Variants in CSMD2 observed in about 807,000 individuals in gnomAD.
CSMD2 encodes the protein CUB and sushi domain-containing protein 2.
Under a neutral mutation model 398.5 loss-of-function variants are expected in CSMD2, and 130 were observed. The observed-to-expected ratio is 0.33, with a 90% CI of 0.28 to 0.38. The LOEUF (loss-of-function observed/expected upper bound fraction) is 0.38, where lower values mean the gene tolerates loss of function less well. Ranked by LOEUF, CSMD2 falls within the 10% of genes least tolerant of loss-of-function variation. The pLI, the probability that CSMD2 is intolerant of heterozygous loss-of-function variation, is 1.00. For synonymous variants in CSMD2, 1,828 were observed against 1,908.5 expected, an observed-to-expected ratio of 0.96 and a Z score of 1.10; for missense variants, 3,829 against 4,764.9, an observed-to-expected ratio of 0.80 and a Z score of 5.78.
At chr1:34,113,147 C>A (rs925606221) in intron 1 of CSMD2, 1 of 152,224 alleles carries the variant, frequency 6.6e-6, no homozygotes, top group Non-Finnish European at 1.5e-5. Flanking sequence ...GACTTCTTAA[C>A]TTGGGTTTGG....
intron 25 of CSMD2, among the ~76,000 whole-genome samples, chr1:33,676,995 A>G (rs1176426328): frequency 1.3e-5 from 2 of 152,204 alleles, no homozygotes; most frequent in Non-Finnish European, 2.9e-5. Flanking sequence ...TAGACCTAAA[A>G]CCATAAAAAC....
chr1:34,119,642 C>T (rs1032702899), intron 1 of CSMD2, among the ~76,000 whole-genome samples: 18 of 152,132 alleles, frequency 1.2e-4, no homozygotes, highest in African/African-American at 3.4e-4. Context: ...AGAAGATAGA[C>T]AAATGGCTGA....
chr1:33,573,211 A>G (rs907113835), intron 49 of CSMD2, among the ~76,000 whole-genome samples: 3 of 152,194 alleles, frequency 2.0e-5, no homozygotes, highest in Non-Finnish European at 2.9e-5. Flanking sequence ...GATAGGAGAG[A>G]CTTTGTGGAC....
At chr1:33,950,817 A>C (rs1644986665) in intron 3 of CSMD2, among the ~76,000 whole-genome samples, 1 of 152,192 alleles carries the variant, frequency 6.6e-6, no homozygotes, top group Admixed American at 6.5e-5. Flanking sequence ...GCCTTATGCC[A>C]TGTCCCTGGG....
chr1:34,157,999 G>C (rs1640960986), intron 1 of CSMD2, among the ~76,000 whole-genome samples: 1 of 152,162 alleles, frequency 6.6e-6, no homozygotes. Flanking sequence ...CTAAGTGTGT[G>C]TTTGGGTGGG....
chr1:33,764,651 C>T (rs1650255323), intron 13 of CSMD2, among the ~76,000 whole-genome samples: 1 of 152,218 alleles, frequency 6.6e-6, no homozygotes, highest in Non-Finnish European at 1.5e-5. Context: ...GAAGCTCACA[C>T]CGATCACGGT....
At chr1:33,872,122 T>C (rs1340634979) in intron 5 of CSMD2, among the ~76,000 whole-genome samples, 1 of 152,188 alleles carries the variant, frequency 6.6e-6, no homozygotes, top group Non-Finnish European at 1.5e-5. Flanking sequence ...CCTTGTTAGG[T>C]AGTGGTAGAA....
intron 26 of CSMD2, among the ~76,000 whole-genome samples, chr1:33,660,298 G>T (rs2148993040): frequency 6.6e-6 from 1 of 152,292 alleles, no homozygotes; most frequent in African/African-American, 2.4e-5. Flanking sequence ...CACTCAATAG[G>T]AATGGCTGTG....
At chr1:33,617,781 C>A in intron 37 of CSMD2, among the ~76,000 whole-genome samples, 164 bp from the exon 38 acceptor site, 1 of 152,142 alleles carries the variant, frequency 6.6e-6, no homozygotes, top group East Asian at 1.9e-4. Context: ...CACCTTGCAG[C>A]ACACAGAGAA....
chr1:33,826,279 C>A (rs974086012), intron 6 of CSMD2, among the ~76,000 whole-genome samples: 6 of 152,016 alleles, frequency 3.9e-5, no homozygotes, highest in South Asian at 2.1e-4. Flanking sequence ...TTTTTTAGCT[C>A]CCTCCATTAC....
intron 2 of CSMD2, among the ~76,000 whole-genome samples, chr1:34,054,460 G>A (rs1269498334): frequency 4.6e-5 from 7 of 152,172 alleles, no homozygotes; most frequent in African/African-American, 1.7e-4. Context: ...GGTGGCTCAT[G>A]CCTGTAATCC....
intron 39 of CSMD2, 43 bp from the exon 40 acceptor site, chr1:33,614,663 G>T: frequency 8.8e-7 from 1 of 1,140,868 alleles, no homozygotes; most frequent in Non-Finnish European, 1.3e-6. Flanking sequence ...CAACATCAAG[G>T]GGTGTACAGG....
chr1:33,537,703 C>G lies in CSMD2; in HGVS notation c.9632-94G>C. The G allele has an allele frequency of 7.5e-7, 1 of 1,329,542 alleles. No individual in the cohort carries two copies. Among genetic ancestry groups the G allele is most frequent in the Non-Finnish European group, 1.0e-6 (1 of 988,120 alleles). 82.4% of individuals were successfully genotyped at this position (1,329,542 alleles called of 1,614,324 possible). On this transcript the variant is annotated intron_variant, in intron 60 of 70. Transcript: ENST00000373381. This position sits in a 1 kb window ranked among gnomAD's most constrained non-coding sequence, Gnocchi z 4.6. ...CCCATCTTTGTTCTTTGCACTGCTC[C>G]CTTCCTGGTTGAGCTTGAACTCTGG...
chr1:33,704,055 A>G (rs1645695946), intron 22 of CSMD2, among the ~76,000 whole-genome samples: 1 of 152,194 alleles, frequency 6.6e-6, no homozygotes, highest in African/African-American at 2.4e-5. Flanking sequence ...ATCAATATCA[A>G]AATAAAATTT....
chr1:33,756,074 C>G (rs1260196903), intron 13 of CSMD2, among the ~76,000 whole-genome samples: 1 of 152,194 alleles, frequency 6.6e-6, no homozygotes, highest in Non-Finnish European at 1.5e-5. Context: ...TTTTCCATCT[C>G]TAGCTCTGAC....
At position 33,559,244 on chromosome 1, in the gene CSMD2, G is replaced by T; in HGVS notation, c.8554+56C>A. 6.8e-7 allele frequency: 1 copy of T among 1,462,512 alleles called. No individual in the cohort carries two copies. Among genetic ancestry groups the T allele is most frequent in the Non-Finnish European group, 9.2e-7 (1 of 1,087,944 alleles). The allele number at this position is 1,462,512 out of a possible 1,614,324, so 90.6% of individuals were successfully genotyped here. A position where few individuals can be genotyped will look rare whatever the true frequency, so the allele number is the denominator to read the frequency against. ...CACTGGCTTCTTTTTCTGAGCTACAGAACCACATATAGCAGAGATGGTGGG... is the reference window on the plus strand; with the variant it reads ...CACTGGCTTCTTTTTCTGAGCTACATAACCACATATAGCAGAGATGGTGGG... On this transcript the variant is annotated intron_variant, in intron 54 of 70. Transcript: ENST00000373381. This position sits in a 1 kb window ranked among gnomAD's most constrained non-coding sequence, Gnocchi z 4.0.
intron 67 of CSMD2, among the ~76,000 whole-genome samples, chr1:33,522,751 C>T (rs1252615242): frequency 1.3e-5 from 2 of 152,190 alleles, no homozygotes; most frequent in African/African-American, 4.8e-5. Context: ...CTCAACTCCA[C>T]TATGTGTGAA....
chr1:33,560,516 C>A (rs1344006060), intron 53 of CSMD2, among the ~76,000 whole-genome samples: 1 of 152,188 alleles, frequency 6.6e-6, no homozygotes, highest in Admixed American at 6.5e-5. Flanking sequence ...TGCCTCAGGG[C>A]CTTTGCACTT....
intron 29 of CSMD2, 64 bp downstream of exon 29, chr1:33,646,584 C>T: frequency 6.4e-7 from 1 of 1,559,566 alleles, no homozygotes; most frequent in East Asian, 2.2e-5. Context: ...CTACGCTACA[C>T]TACTTGCCCT....
Sources: allele counts gnomAD v4.1 joint callset (sites outside exome capture counted in the v4.1 genomes callset), GRCh38; gene constraint gnomAD v4.1.1; non-coding constraint Gnocchi (gnomAD v3.1); transcripts MANE v1.5; gene names NCBI Gene and HGNC (gene_info 2026-07-23, HGNC 2026-07-21).